POTEC: variants seen among roughly 807,000 people sequenced by gnomAD.
POTEC encodes the protein ANKRD26-like family B member 2.
A neutral mutation model predicts 62.0 loss-of-function variants in POTEC; 35 were observed. The ratio of observed to expected loss-of-function variants is 0.56; its 90% confidence interval spans 0.43 to 0.75. The LOEUF (loss-of-function observed/expected upper bound fraction) is 0.75, where lower values mean the gene tolerates loss of function less well. Ranked by LOEUF, POTEC falls within the 30% of genes least tolerant of loss-of-function variation. The pLI, the probability that POTEC is intolerant of heterozygous loss-of-function variation, is 0.00. For missense variants in POTEC, 472 were observed against 655.9 expected (o/e 0.72, Z 3.06); for synonymous variants, 156 against 221.5 (o/e 0.70, Z 2.62).
chr18:14,543,322 C>T lies in POTEC; in HGVS notation c.-176G>A, dbSNP rs896771620. 4.2e-6 allele frequency: 5 copies of T among 1,187,366 alleles called. No individual in the cohort carries two copies. The highest frequency in any genetic ancestry group is 1.6e-5 in the African/African-American group (1 of 63,430). The allele number at this position is 1,187,366 out of a possible 1,614,324, so 73.6% of individuals were successfully genotyped here. On this transcript the variant is annotated 5_prime_UTR_variant, in exon 1 of 11. Transcript: ENST00000358970. ...CAGTCCACCCCACCCAGGGAAAACC[C>T]ACACCCACCCGGGGAAAGCCCACGC...
rs550676471 is a variant in POTEC at position 14,510,130 on chromosome 18, C to A, written c.*1768G>T. Reference sequence around the variant, plus strand: ...GTTAGCAGTTACTTAATGTAATCACCCCAGGATGGAGGGTCTGTGTTGTGG... The same window carrying A: ...GTTAGCAGTTACTTAATGTAATCACACCAGGATGGAGGGTCTGTGTTGTGG... On this transcript the variant is annotated 3_prime_UTR_variant, in exon 11 of 11. Coordinates refer to ENST00000358970, the MANE Select transcript of POTEC (RefSeq NM_001137671.2). 1 of 151,842 alleles carries A rather than the reference C, an allele frequency of 6.6e-6. No homozygotes were observed. Among genetic ancestry groups the A allele is most frequent in the Admixed American group, 6.5e-5 (1 of 15,280 alleles). 9.4% of individuals were successfully genotyped at this position (151,842 alleles called of 1,614,324 possible).
Position 14,542,867 on chromosome 18 carries a change from G to A in POTEC, c.280C>T (p.Leu94Phe). 7.6e-7 allele frequency: 1 copy of A among 1,310,102 alleles called. No homozygotes were observed. The allele number at this position is 1,310,102 out of a possible 1,614,324, so 81.2% of individuals were successfully genotyped here. The change falls in exon 1 of 11, where the codon CTC becomes TTC. Residue 94 changes from leucine to phenylalanine, a missense_variant. By Grantham distance (22) the Leu-to-Phe change is conservative (BLOSUM62 0). Transcript: ENST00000358970. ...CACCACTTGCCCATCTTGCTCCTGA[G>A]CGTCTTCATAAAGGAGTTGTCATGG... is the stretch of plus-strand genomic sequence containing the variant. The part of the protein sequence containing the change: ...GDHDNSFMKT[L>F]RSKMGKWCCH...
rs8083871 is a variant in POTEC, at chr18:14,541,268, C to T, written c.521+1358G>A. Among the ~76,000 whole-genome samples, 312 of 152,288 alleles carry T rather than the reference C, an allele frequency of 2.0e-3. 1 individual carries two copies. The highest frequency in any genetic ancestry group is 7.1e-3 in the African/African-American group (294 of 41,568). On this transcript the variant is annotated intron_variant, in intron 1 of 10. Coordinates refer to ENST00000358970, the MANE Select transcript of POTEC (RefSeq NM_001137671.2). ...TAAATTCCTTCTCTTAGCAGGAATG[C>T]TATGTTTTCCTATGTGCACAGGTCA...
chr18:14,515,438 A>C (rs1256603074), intron 9 of POTEC, among the ~76,000 whole-genome samples: 1 of 152,098 alleles, frequency 6.6e-6, no homozygotes, highest in East Asian at 1.9e-4. Context: ...AAAAACATAC[A>C]CTGGAGAAAG....
At chr18:14,529,518 G>T (rs1007578185) in intron 6 of POTEC, among the ~76,000 whole-genome samples, 5 of 152,096 alleles carry the variant, frequency 3.3e-5, no homozygotes, top group African/African-American at 1.2e-4. Flanking sequence ...TAAATTAAAG[G>T]TGTCCTAATA....
Position 14,542,736 on chromosome 18 carries a change from T to C in POTEC, c.411A>G (p.Arg137=). The C allele has an allele frequency of 6.2e-7, 1 of 1,613,388 alleles. No individual in the cohort carries two copies. Among genetic ancestry groups the C allele is most frequent in the Non-Finnish European group, 8.5e-7 (1 of 1,179,876 alleles). Residue 137 remains arginine, a synonymous_variant, in exon 1 of 11, where the codon CGA becomes CGG. Coordinates refer to ENST00000358970, the MANE Select transcript of POTEC (RefSeq NM_001137671.2). ...CTCTGTGGAGCTTGTCCAGATCTTC[T>C]CGACGGACGTGGTACCTCGGCTCCA... is the stretch of plus-strand genomic sequence containing the variant. ...AFMEPRYHVR[R]EDLDKLHRAA...
chr18:14,523,807 T>C (rs1158290722), intron 7 of POTEC, among the ~76,000 whole-genome samples: 1 of 152,134 alleles, frequency 6.6e-6, no homozygotes, highest in Non-Finnish European at 1.5e-5. Flanking sequence ...CTTAACTTTG[T>C]TACCATTTGT....
chr18:14,515,664 AT>A (rs1356522928), intron 9 of POTEC, among the ~76,000 whole-genome samples: 4 of 151,260 alleles, frequency 2.6e-5, no homozygotes, highest in Admixed American at 6.6e-5. Flanking sequence ...AAATAAATAA[AT>A]AAATAAATAA....
chr18:14,539,158 T>TA (rs1444302798), intron 1 of POTEC, among the ~76,000 whole-genome samples: 7 of 152,098 alleles, frequency 4.6e-5, no homozygotes, highest in Non-Finnish European at 7.3e-5. Flanking sequence ...TTTCAATACT[T>TA]AGATTTATAA....
chr18:14,512,355 A>G (rs1910031892), intron 10 of POTEC, among the ~76,000 whole-genome samples: 3 of 152,222 alleles, frequency 2.0e-5, no homozygotes, highest in Non-Finnish European at 4.4e-5. Context: ...CCACACCATC[A>G]TAAGAGCCTT....
At position 14,519,591 on chromosome 18, in the gene POTEC, C is replaced by A. The variant is rs542775121; in HGVS notation, c.1409+2663G>T. Among the ~76,000 whole-genome samples, 731 of 152,132 alleles carry A rather than the reference C, an allele frequency of 4.8e-3. 11 individuals are homozygous for A. The highest frequency in any genetic ancestry group is 0.017 in the African/African-American group (701 of 41,514). ...AATCAGCTGAGCATGGTGGCATGCA[C>A]CTGTAATGCCAGCTACTCAGGAGGC... On this transcript the variant is annotated intron_variant, in intron 9 of 10. Transcript: ENST00000358970.
Position 14,511,775 on chromosome 18 carries a change from T to C in POTEC, c.*123A>G, listed in dbSNP as rs1910013270. On this transcript the variant is annotated 3_prime_UTR_variant, in exon 11 of 11. Coordinates refer to ENST00000358970, the MANE Select transcript of POTEC (RefSeq NM_001137671.2). Reference sequence around the variant, plus strand: ...GCTGTCCACTGTACTTAAATATTGGTTTTCGTTAATGCTTCTTCATTCAAT... The same window carrying C: ...GCTGTCCACTGTACTTAAATATTGGCTTTCGTTAATGCTTCTTCATTCAAT... 2 of 1,062,736 alleles carry C rather than the reference T, an allele frequency of 1.9e-6. No individual in the cohort carries two copies. The highest frequency in any genetic ancestry group is 3.5e-5 in the African/African-American group (2 of 57,946). The allele number at this position is 1,062,736 out of a possible 1,614,324, so 65.8% of individuals were successfully genotyped here.
rs988992312 is a variant in POTEC, at chr18:14,507,732, T to A, written c.*4166A>T. ...GGCTGGTGGTGGTCTTTTCTTTCCA[T>A]ATTTAGTGCTTCCTTCAGGAGCTCT... On this transcript the variant is annotated 3_prime_UTR_variant, in exon 11 of 11. Transcript: ENST00000358970. The A allele has an allele frequency of 6.6e-6, 1 of 152,188 alleles. No individual in the cohort carries two copies. The highest frequency in any genetic ancestry group is 2.4e-5 in the African/African-American group (1 of 41,436). The allele number at this position is 152,188 out of a possible 1,614,324, so 9.4% of individuals were successfully genotyped here.
At chr18:14,542,525 T>A in intron 1 of POTEC, 101 bp downstream of exon 1, 1 of 1,561,522 alleles carries the variant, frequency 6.4e-7, no homozygotes, top group South Asian at 1.2e-5. Context: ...GTGTGGGGCC[T>A]GCGGAGGAAG....
chr18:14,535,128 T>G (rs1209215157), intron 3 of POTEC, 121 bp from the exon 4 acceptor site: 1 of 1,492,400 alleles, frequency 6.7e-7, no homozygotes, highest in Non-Finnish European at 9.0e-7. Context: ...CACTTCCTTC[T>G]CACTCTTCTG....
At position 14,543,089 on chromosome 18, in the gene POTEC, G is replaced by T; in HGVS notation, c.58C>A (p.Leu20Ile). The change falls in exon 1 of 11, where the codon CTC becomes ATC. Residue 20 changes from leucine (L) to isoleucine (I), a missense_variant. Leu to Ile is a conservative substitution (Grantham distance 5, BLOSUM62 2). Around this residue, in one of 5 missense-constraint regions of POTEC, gnomAD observed 257 missense variants for 250.7 expected, o/e 1.03. Coordinates refer to ENST00000358970, the MANE Select transcript of POTEC (RefSeq NM_001137671.2). ...AACCACTTGCCCATCTTGCTCCTGA[G>T]ATCGAATGGCTTCTTCACAGCAGAG... is the stretch of plus-strand genomic sequence containing the variant. ...AASAVKKPFD[L>I]RSKMGKWFHH... is the part of the protein sequence containing the mutation. 1 of 1,613,974 alleles carries T rather than the reference G, an allele frequency of 6.2e-7. No individual in the cohort carries two copies. The highest frequency in any genetic ancestry group is 8.5e-7 in the Non-Finnish European group (1 of 1,179,888).
intron 9 of POTEC, among the ~76,000 whole-genome samples, chr18:14,514,439 A>T (rs2143109239): frequency 6.6e-6 from 1 of 152,246 alleles, no homozygotes; most frequent in Non-Finnish European, 1.5e-5. Context: ...TGGCCTGGGG[A>T]TTGGAAACCC....
At chr18:14,538,076 T>G (rs1238502019) in intron 2 of POTEC, 59 bp downstream of exon 2, 2 of 1,507,418 alleles carry the variant, frequency 1.3e-6, no homozygotes, top group African/African-American at 2.8e-5. Context: ...AAAACTCATT[T>G]TTATGCTATC....
chr18:14,507,962 G>T lies in POTEC; in HGVS notation c.*3936C>A, dbSNP rs1366528127. On this transcript the variant is annotated 3_prime_UTR_variant, in exon 11 of 11. Transcript: ENST00000358970. The stretch of plus-strand genomic sequence containing the variant: ...TAAGTCTGATGGAATTCCCTTTGCA[G>T]GTGATGTTGCCTTTCTCCCTAGCTG... The T allele has an allele frequency of 3.9e-5, 6 of 152,190 alleles. No individual in the cohort carries two copies. Among genetic ancestry groups the T allele is most frequent in the Non-Finnish European group, 8.8e-5 (6 of 68,044 alleles). The allele number at this position is 152,190 out of a possible 1,614,324, so 9.4% of individuals were successfully genotyped here. A position where few individuals can be genotyped will look rare whatever the true frequency, so the allele number is the denominator to read the frequency against.
Sources: allele counts gnomAD v4.1 joint callset (sites outside exome capture counted in the v4.1 genomes callset), GRCh38; gene constraint gnomAD v4.1.1; regional missense constraint gnomAD v4.1.1; transcripts MANE v1.5; gene names NCBI Gene and HGNC (gene_info 2026-07-23, HGNC 2026-07-21).